The following SPATA6L variants were observed in gnomAD, a reference collection of about 807,000 sequenced individuals.
SPATA6L encodes the protein spermatogenesis associated 6-like protein.
SPATA6L carries 68 observed loss-of-function variants against 49.2 expected under a neutral mutation model. That is an observed-to-expected ratio of 1.38 (90% CI 1.14 to 1.69). SPATA6L has a LOEUF of 1.69. Among genes scored for constraint, SPATA6L ranks in the 40% most tolerant of loss-of-function variants. SPATA6L has a pLI of 0.00. For synonymous variants in SPATA6L, 198 were observed against 165.7 expected (o/e 1.19, Z -1.50); for missense variants, 668 against 464.3 (o/e 1.44, Z -4.03).
At chr9:4,624,250 T>C (rs1829927758) in intron 6 of SPATA6L, among the ~76,000 whole-genome samples, 1 of 152,226 alleles carries the variant, frequency 6.6e-6, no homozygotes, top group Non-Finnish European at 1.5e-5. Flanking sequence ...TTGGAATATA[T>C]AGGAAAACTA....
chr9:4,625,547 C>A lies in SPATA6L; in HGVS notation c.449G>T (p.Arg150Leu). The A allele has an allele frequency of 2.6e-6, 4 of 1,548,342 alleles. No individual in the cohort carries two copies. Among genetic ancestry groups the A allele is most frequent in the South Asian group, 2.6e-5 (2 of 77,668 alleles). The change falls in exon 6 of 12, where the codon CGG becomes CTG. Residue 150 changes from arginine to leucine, a missense_variant. By Grantham distance (102) the Arg-to-Leu change is moderately radical. Transcript: ENST00000682582. ...TTCATGTGATGTAGATAAAGGCCTC[C>A]GTGACTCATGTCTTTCTTCCTGAAA... The part of the protein sequence containing the change: ...NRFLEERHES[R>L]RPLSTSHEPI...
chr9:4,589,162 G>A (rs1485507581), intron 13 of SPATA6L, among the ~76,000 whole-genome samples: 4 of 152,202 alleles, frequency 2.6e-5, no homozygotes, highest in Non-Finnish European at 5.9e-5. Flanking sequence ...CCATGAAATA[G>A]GAATAAAAAT....
chr9:4,607,789 T>A (rs1458531828), intron 9 of SPATA6L, among the ~76,000 whole-genome samples: 1 of 152,002 alleles, frequency 6.6e-6, no homozygotes, highest in Non-Finnish European at 1.5e-5. Context: ...AATTCACACA[T>A]AACAATATTA....
downstream of SPATA6L, among the ~76,000 whole-genome samples, chr9:4,595,326 T>A (rs376318005): frequency 2.6e-4 from 39 of 152,162 alleles, no homozygotes; most frequent in Admixed American, 8.5e-4. Flanking sequence ...AGCCCTTCTC[T>A]TTCCTGTGAC....
chr9:4,626,136 G>A (rs1830304420), intron 5 of SPATA6L: 1 of 194,122 alleles, frequency 5.2e-6, no homozygotes, highest in South Asian at 1.0e-4. Context: ...AAGGCTGGAG[G>A]AGACACAGTG....
At chr9:4,603,110 A>AATC (rs1437552431) in intron 11 of SPATA6L, among the ~76,000 whole-genome samples, 1 of 152,178 alleles carries the variant, frequency 6.6e-6, no homozygotes, top group African/African-American at 2.4e-5. Flanking sequence ...ATTCATAATC[A>AATC]ATGCATATTC....
chr9:4,597,444 T>C (rs2129972656), downstream of SPATA6L, among the ~76,000 whole-genome samples: 1 of 152,204 alleles, frequency 6.6e-6, no homozygotes, highest in South Asian at 2.1e-4. Context: ...GGAAAAATTT[T>C]GGACTAGAAA....
intron 10 of SPATA6L, among the ~76,000 whole-genome samples, chr9:4,604,960 G>C (rs1056590758): frequency 2.0e-5 from 3 of 152,164 alleles, no homozygotes; most frequent in African/African-American, 7.2e-5. Context: ...GCCTTACATA[G>C]CTCACACAAA....
intron 2 of SPATA6L, among the ~76,000 whole-genome samples, chr9:4,661,332 T>C (rs1839678763): frequency 6.6e-6 from 1 of 152,174 alleles, no homozygotes; most frequent in South Asian, 2.1e-4. Flanking sequence ...TATGAATAGT[T>C]TAGTGTGAAG....
chr9:4,622,260 T>G, intron 7 of SPATA6L, 148 bp downstream of exon 7: 2 of 597,026 alleles, frequency 3.3e-6, no homozygotes, highest in East Asian at 2.8e-5. Context: ...ATGGGAACAC[T>G]GCCCTGGAAA....
chr9:4,617,231 T>C (rs1397911835), intron 9 of SPATA6L, among the ~76,000 whole-genome samples: 1 of 152,174 alleles, frequency 6.6e-6, no homozygotes, highest in Non-Finnish European at 1.5e-5. Flanking sequence ...GAAAAGCAGA[T>C]TGGCTTATCC....
At chr9:4,607,689 C>T (rs912330344) in intron 9 of SPATA6L, among the ~76,000 whole-genome samples, 1 of 152,122 alleles carries the variant, frequency 6.6e-6, no homozygotes, top group African/African-American at 2.4e-5. Flanking sequence ...GCTGCAAAAT[C>T]ATGCCAAAAT....
chr9:4,590,180 G>A (rs199722025), intron 13 of SPATA6L, among the ~76,000 whole-genome samples: 1 of 152,240 alleles, frequency 6.6e-6, no homozygotes, highest in East Asian at 1.9e-4. Context: ...TGCCTTGGCC[G>A]CCCAAAGTGC....
rs758850691 is a variant in SPATA6L at position 4,618,870 on chromosome 9, G to A, written c.801C>T (p.Asn267=). 50 of 1,612,348 alleles carry A rather than the reference G, an allele frequency of 3.1e-5. No individual in the cohort carries two copies. Among genetic ancestry groups the A allele is most frequent in the Middle Eastern group, 1.6e-4 (1 of 6,070 alleles). ...ATTCTACTTCTAAAATTACCTTTAC[G>A]TTAGCTGCAAGGCTGTCAAGAGAAG... ...RASSLDSLAA[N]VKVIKEPDER... Residue 267 remains asparagine (N), a synonymous_variant, in exon 8 of 12, where the codon AAC becomes AAT. Coordinates refer to ENST00000682582, the MANE Select transcript of SPATA6L (RefSeq NM_001353486.2).
intron 4 of SPATA6L, chr9:4,632,960 T>C (rs1411933484): frequency 6.6e-6 from 1 of 152,238 alleles, no homozygotes; most frequent in Non-Finnish European, 1.5e-5. Context: ...ACTTTTATTG[T>C]ATACAAATAA....
chr9:4,629,767 G>GTATA lies in SPATA6L; in HGVS notation c.352-600_352-599insTATA, dbSNP rs1423783733. Reference sequence around the variant, plus strand: ...TTGTGTTTTATATATGTGTGTGTGTGTGTATATATATATATATATATATAT... The same window carrying GTATA: ...TTGTGTTTTATATATGTGTGTGTGTGTATATGTATATATATATATATATATATAT... On this transcript the variant is annotated intron_variant, in intron 4 of 11. Transcript: ENST00000682582. 1.5e-3 allele frequency among the ~76,000 whole-genome samples: 131 copies of GTATA among 88,874 alleles called. 3 individuals carry two copies. Among genetic ancestry groups the GTATA allele is most frequent in the African/African-American group, 8.3e-3 (130 of 15,626 alleles). 58.3% of individuals were successfully genotyped at this position (88,874 alleles called of 152,430 possible).
At chr9:4,644,067 C>G (rs926254302) in intron 3 of SPATA6L, among the ~76,000 whole-genome samples, 8 of 151,482 alleles carry the variant, frequency 5.3e-5, no homozygotes, top group African/African-American at 1.9e-4. Context: ...ACAACATAGG[C>G]AAGGCATGGT....
rs147381142 is a variant in SPATA6L, at chr9:4,662,879, C to A, written c.40-843G>T. 3 of 1,606,456 alleles carry A rather than the reference C, an allele frequency of 1.9e-6. No individual in the cohort carries two copies. The highest frequency in any genetic ancestry group is 2.5e-6 in the Non-Finnish European group (3 of 1,179,964). On this transcript the variant is annotated intron_variant, in intron 1 of 11. Transcript: ENST00000682582. The surrounding 1 kb of genome is among the most constrained non-coding windows in gnomAD (Gnocchi z 4.9). Reference sequence around the variant, plus strand: ...GGGCCGGGCGCGAGGTGCTGATGAACCTGCTCTTCGCCCTGCTGTTGGACC... The same window carrying A: ...GGGCCGGGCGCGAGGTGCTGATGAAACTGCTCTTCGCCCTGCTGTTGGACC...
At chr9:4,594,278 C>T (rs1822092791), downstream of SPATA6L, among the ~76,000 whole-genome samples, 4 of 152,212 alleles carry the variant, frequency 2.6e-5, no homozygotes, top group Non-Finnish European at 5.9e-5. Context: ...GGCGCGAACT[C>T]AGCTCACTGC....
Sources: gnomAD v4.1 joint callset for allele counts (sites outside exome capture counted in the v4.1 genomes callset) on GRCh38, gnomAD v4.1.1 for gene constraint, Gnocchi (gnomAD v3.1) non-coding constraint, MANE v1.5 for transcripts, NCBI Gene and HGNC (gene_info 2026-07-23, HGNC 2026-07-21) for gene names.